The following USP44 variants were observed in gnomAD, a reference collection of about 807,000 sequenced individuals.
The protein encoded by USP44 is ubiquitin carboxyl-terminal hydrolase 44.
A neutral mutation model predicts 69.0 loss-of-function variants in USP44; 61 were observed. The ratio of observed to expected loss-of-function variants is 0.88; its 90% CI spans 0.72 to 1.09. USP44 has a LOEUF of 1.09. Ranked by LOEUF, USP44 falls within the 50% of genes least tolerant of loss-of-function variation. The pLI is 0.00. For synonymous variants in USP44, 297 were observed against 295.4 expected, an observed-to-expected ratio of 1.01 and a Z score of -0.06; for missense variants, 753 against 849.9, an observed-to-expected ratio of 0.89 and a Z score of 1.42.
chr12:95,524,643 A>C, intron 4 of USP44, 37 bp downstream of exon 4: 2 of 1,487,468 alleles, frequency 1.3e-6, no homozygotes, highest in Middle Eastern at 1.8e-4. Context: ...TTATAAGCAC[A>C]AGGAATGATA....
chr12:95,534,164 G>C lies in USP44; in HGVS notation c.93C>G (p.Asp31Glu), dbSNP rs1163995874. 3 of 1,614,166 alleles carry C rather than the reference G, an allele frequency of 1.9e-6. No homozygotes were observed. In the South Asian group the frequency reaches 3.3e-5, roughly 18 times the overall value. ...CCCAAATGGACTCGGTCGTGTTGCA[G>C]TCCACACAGTGCCATTTCTGAGGGT... ...SLNPQKWHCVDCNTTESIWAC... is the reference protein window; with the variant it reads ...SLNPQKWHCVECNTTESIWAC... The change falls in exon 2 of 6, where the codon GAC (aspartate) becomes GAG (glutamate). Residue 31 changes from aspartate (D) to glutamate (E), a missense_variant. By Grantham distance (45) the Asp-to-Glu change is conservative. Transcript: ENST00000258499.
chr12:95,543,034 G>A (rs541260032), intron 1 of USP44, among the ~76,000 whole-genome samples: 3 of 150,484 alleles, frequency 2.0e-5, no homozygotes, highest in Non-Finnish European at 3.0e-5. Context: ...CTTGCAGTAA[G>A]CCTAGATCGC....
At position 95,528,871 on chromosome 12, in the gene USP44, C is replaced by A; in HGVS notation, c.1560G>T (p.Met520Ile). 5 of 1,614,012 alleles carry A rather than the reference C, an allele frequency of 3.1e-6. No individual in the cohort carries two copies. Among genetic ancestry groups the A allele is most frequent in the Non-Finnish European group, 4.2e-6 (5 of 1,179,984 alleles). ...IASQPCLVTE[M>I]LAKFTETEAL... is the part of the protein sequence containing the mutation. ...CTTCAGTTTCTGTAAATTTGGCCAA[C>A]ATTTCAGTAACCAGACATGGCTGGG... The change falls in exon 3 of 6, where the codon ATG becomes ATT. Residue 520 changes from methionine (M) to isoleucine (I), a missense_variant. Physicochemically the swap from Met to Ile is conservative, Grantham distance 10 (BLOSUM62 1). Transcript: ENST00000258499.
At chr12:95,520,161 AG>A (rs2076613469) in intron 5 of USP44, among the ~76,000 whole-genome samples, 1 of 147,402 alleles carries the variant, frequency 6.8e-6, no homozygotes, top group Non-Finnish European at 1.5e-5. Flanking sequence ...GGGGGTGGGG[AG>A]TTGGAGTTTC....
At position 95,518,042 on chromosome 12, in the gene USP44, T is replaced by A; in HGVS notation, c.*112A>T. 1 of 1,150,338 alleles carries A rather than the reference T, an allele frequency of 8.7e-7. No homozygotes were observed. The highest frequency in any genetic ancestry group is 1.2e-6 in the Non-Finnish European group (1 of 827,344). The allele number at this position is 1,150,338 out of a possible 1,614,324, so 71.3% of individuals were successfully genotyped here. A position where few individuals can be genotyped will look rare whatever the true frequency, so the allele number is the denominator to read the frequency against. On this transcript the variant is annotated 3_prime_UTR_variant, in exon 6 of 6. Coordinates refer to ENST00000258499, the MANE Select transcript of USP44 (RefSeq NM_032147.5). The stretch of plus-strand genomic sequence containing the variant: ...AAAAAAAATTGTTAGATATAAAATG[T>A]ATAAATGTAGTATACACTGATTCAC...
intron 1 of USP44, among the ~76,000 whole-genome samples, chr12:95,538,372 A>G (rs1166359025): frequency 6.6e-6 from 1 of 152,110 alleles, no homozygotes; most frequent in Non-Finnish European, 1.5e-5. Context: ...TAATAAAATA[A>G]TAATAAATTA....
At chr12:95,524,060 T>G (rs902408093) in intron 4 of USP44, among the ~76,000 whole-genome samples, 2 of 151,778 alleles carry the variant, frequency 1.3e-5, no homozygotes, top group African/African-American at 2.4e-5. Context: ...TATTTTTATT[T>G]TTATGTTTAT....
intron 1 of USP44, among the ~76,000 whole-genome samples, chr12:95,546,208 T>C (rs966840772): frequency 3.3e-5 from 5 of 152,226 alleles, no homozygotes; most frequent in Non-Finnish European, 5.9e-5. Context: ...AGAATAATAC[T>C]GAGCATCCTA....
chr12:95,536,355 G>GT (rs1448041967), intron 1 of USP44, among the ~76,000 whole-genome samples: 1 of 151,760 alleles, frequency 6.6e-6, no homozygotes, highest in East Asian at 1.9e-4. Flanking sequence ...CATTTCACAC[G>GT]TTTTAAGTGC....
intron 3 of USP44, 26 bp from the exon 4 acceptor site, chr12:95,524,814 A>G: frequency 6.4e-7 from 1 of 1,563,010 alleles, no homozygotes; most frequent in South Asian, 1.2e-5. Context: ...AAGAATAAAA[A>G]TCAAATTTCA....
Position 95,518,226 on chromosome 12 carries a change from A to C in USP44, c.2067T>G (p.Pro689=), listed in dbSNP as rs1475773119. Residue 689 remains proline, a synonymous_variant, in exon 6 of 6, where the codon CCT becomes CCG. Coordinates refer to ENST00000258499, the MANE Select transcript of USP44 (RefSeq NM_032147.5). ...GTTGGCTCCCCAACAGGAGCTCTGG[A>C]GGCAAAAGTTTAGAATGTCCATTCT... The part of the protein sequence containing the change: ...VTENGHSKLL[P]PELLLGSQHP... 1 of 1,614,202 alleles carries C rather than the reference A, an allele frequency of 6.2e-7. No homozygotes were observed. The highest frequency in any genetic ancestry group is 1.7e-5 in the Admixed American group (1 of 60,018).
intron 5 of USP44, among the ~76,000 whole-genome samples, chr12:95,518,759 G>T (rs1457252663): frequency 6.6e-6 from 1 of 152,062 alleles, no homozygotes; most frequent in Non-Finnish European, 1.5e-5. Flanking sequence ...GGCCAACATG[G>T]TGAAACCTGT....
chr12:95,541,676 A>G (rs1425109191), intron 1 of USP44, among the ~76,000 whole-genome samples: 1 of 152,182 alleles, frequency 6.6e-6, no homozygotes, highest in Non-Finnish European at 1.5e-5. Flanking sequence ...ATATTTCAAT[A>G]AAAACGTATA....
At chr12:95,549,623 C>A (rs1445392146) in intron 1 of USP44, among the ~76,000 whole-genome samples, 1 of 152,124 alleles carries the variant, frequency 6.6e-6, no homozygotes, top group African/African-American at 2.4e-5. Flanking sequence ...TTTAAAAACT[C>A]TCCAAGGAGA....
chr12:95,531,925 C>A (rs1018316423), intron 2 of USP44, among the ~76,000 whole-genome samples: 2 of 152,090 alleles, frequency 1.3e-5, no homozygotes, highest in African/African-American at 2.4e-5. Context: ...ACCTTTACTT[C>A]GAAGATTCTG....
intron 1 of USP44, among the ~76,000 whole-genome samples, chr12:95,538,609 G>A (rs979235691): frequency 6.6e-6 from 1 of 152,060 alleles, no homozygotes; most frequent in East Asian, 1.9e-4. Context: ...GTGGAATGAC[G>A]GATCACGAGA....
chr12:95,526,941 G>C (rs1375629657), intron 3 of USP44, among the ~76,000 whole-genome samples: 3 of 151,924 alleles, frequency 2.0e-5, no homozygotes, highest in African/African-American at 7.3e-5. Flanking sequence ...TGGGGAACAG[G>C]TGGTGTTTGG....
At chr12:95,519,250 C>A (rs991502389) in intron 5 of USP44, among the ~76,000 whole-genome samples, 1 of 151,928 alleles carries the variant, frequency 6.6e-6, no homozygotes, top group Admixed American at 6.6e-5. Flanking sequence ...GAAACTGTTT[C>A]ATTATTTAAA....
intron 5 of USP44, among the ~76,000 whole-genome samples, chr12:95,519,432 ATTTTTT>A (rs60940181): frequency 2.4e-5 from 2 of 84,544 alleles, no homozygotes; most frequent in African/African-American, 5.1e-5. Flanking sequence ...CTCAATCTGT[ATTTTTT>A]TTTTTTTTTT....
Sources: gnomAD v4.1 joint callset for allele counts (sites outside exome capture counted in the v4.1 genomes callset) on GRCh38, gnomAD v4.1.1 for gene constraint, MANE v1.5 for transcripts, NCBI Gene and HGNC (gene_info 2026-07-23, HGNC 2026-07-21) for gene names.